RALGDS: variants seen among roughly 807,000 people sequenced by gnomAD.
RALGDS encodes the protein ral guanine nucleotide dissociation stimulator, also known as ral guanine nucleotide exchange factor.
A neutral mutation model predicts 99.8 loss-of-function variants in RALGDS; 44 were observed. That is an observed-to-expected ratio of 0.44 (90% CI 0.35 to 0.57). The LOEUF is 0.57. Among genes scored for constraint, RALGDS ranks in the 20% least tolerant of loss-of-function variants. The pLI is 0.01. For synonymous variants in RALGDS, 529 were observed against 505.0 expected, an observed-to-expected ratio of 1.05 and a Z score of -0.64; for missense variants, 1,022 against 1,203.1, an observed-to-expected ratio of 0.85 and a Z score of 2.23.
chr9:133,108,521 C>T (rs1437448712), intron 5 of RALGDS, 115 bp from the exon 6 acceptor site: 15 of 1,403,478 alleles, frequency 1.1e-5, no homozygotes, highest in African/African-American at 4.3e-5. Flanking sequence ...AAACGTGTAC[C>T]AGGCCACTCT....
intron 6 of RALGDS, among the ~76,000 whole-genome samples, chr9:133,107,609 C>T (rs1460908074): frequency 1.3e-5 from 2 of 152,200 alleles, no homozygotes; most frequent in African/African-American, 4.8e-5. Flanking sequence ...GGGCTTTGTC[C>T]AGTGTCTGCC....
Position 133,097,789 on chromosome 9 carries a change from C to A in RALGDS, c.*798G>T, listed in dbSNP as rs1054491911. ...TGCTATTTACAACAAATAAATATTG[C>A]CCCTCCCCAATCAGTAAACAAACAT... On this transcript the variant is annotated 3_prime_UTR_variant, in exon 18 of 18. Transcript: ENST00000372050. The A allele has an allele frequency of 5.4e-5, 12 of 222,236 alleles. No individual in the cohort carries two copies. The highest frequency in any genetic ancestry group is 2.7e-4 in the African/African-American group (12 of 44,618). 13.8% of individuals were successfully genotyped at this position (222,236 alleles called of 1,614,324 possible). A position where few individuals can be genotyped will look rare whatever the true frequency, so the allele number is the denominator to read the frequency against.
In RALGDS at chr9:133,107,320, T is replaced by A. The variant is rs371890880; in HGVS notation, c.1198-20A>T. ...CAGTTCCTGGGGAGGAGGCTAAATG[T>A]CACCTGGTCCTGCCCCAGCAGTCTG... On this transcript the variant is annotated intron_variant, in intron 6 of 17. Coordinates refer to ENST00000372050, the MANE Select transcript of RALGDS (RefSeq NM_006266.4). The A allele has an allele frequency of 1.8e-5, 28 of 1,595,758 alleles. No homozygotes were observed. Among genetic ancestry groups the A allele is most frequent in the Non-Finnish European group, 2.2e-5 (26 of 1,166,648 alleles).
chr9:133,120,855 G>A, intron 1 of RALGDS, 117 bp downstream of exon 1: 2 of 1,171,464 alleles, frequency 1.7e-6, no homozygotes, highest in Non-Finnish European at 2.2e-6. Context: ...GAGAGAGGAG[G>A]GAGGCGGCCC....
intron 1 of RALGDS, among the ~76,000 whole-genome samples, chr9:133,137,927 A>G (rs1353163233): frequency 6.6e-6 from 1 of 152,230 alleles, no homozygotes; most frequent in Non-Finnish European, 1.5e-5. Flanking sequence ...GCCCACAGTC[A>G]GGCCCCTGTG....
intron 5 of RALGDS, 119 bp from the exon 6 acceptor site, chr9:133,108,525 C>A: frequency 2.1e-6 from 3 of 1,401,136 alleles, no homozygotes; most frequent in Non-Finnish European, 2.9e-6. Flanking sequence ...GTGTACCAGG[C>A]CACTCTCCTG....
chr9:133,119,298 G>A (rs1198547813), intron 1 of RALGDS, among the ~76,000 whole-genome samples: 3 of 152,184 alleles, frequency 2.0e-5, no homozygotes, highest in Non-Finnish European at 2.9e-5. Flanking sequence ...GGAGGGACAG[G>A]GACTTCCCCG....
At position 133,115,319 on chromosome 9, in the gene RALGDS, C is replaced by T. The variant is rs139508614; in HGVS notation, c.184-3167G>A. Among the ~76,000 whole-genome samples the T allele has an allele frequency of 5.8e-4, 88 of 152,308 alleles. 1 individual carries two copies. In the East Asian group the frequency reaches 0.016, roughly 27 times the overall value. On this transcript the variant is annotated intron_variant, in intron 1 of 17. Coordinates refer to ENST00000372050, the MANE Select transcript of RALGDS (RefSeq NM_006266.4). ...AAGGAGACCTGGCTGAGGGCTGAAG[C>T]GGAGTGAGGAGAGGGCTCTAGCCTG... is the stretch of plus-strand genomic sequence containing the variant.
Position 133,103,260 on chromosome 9 carries a change from G to A in RALGDS, c.1761C>T (p.Gly587=). The change falls in exon 12 of 18, where the codon GGC becomes GGT. Residue 587 remains glycine, a splice_region_variant and synonymous_variant. Coordinates refer to ENST00000372050, the MANE Select transcript of RALGDS (RefSeq NM_006266.4). ...TCCTCTTCTCAAAGTTGATGAGTCT[G>A]CCCTGGAAGGTGGACACCCAATGGC... The part of the protein sequence containing the change: ...LDTAMKDYLY[G]RLINFEKRRK... The A allele has an allele frequency of 1.2e-6, 2 of 1,613,946 alleles. No homozygotes were observed. The highest frequency in any genetic ancestry group is 1.1e-5 in the South Asian group (1 of 91,088).
intron 4 of RALGDS, 83 bp downstream of exon 4, chr9:133,109,537 GCCAGCC>G (rs1283610617): frequency 3.5e-5 from 43 of 1,236,040 alleles, no homozygotes; most frequent in Non-Finnish European, 2.4e-6. Context: ...GTTCTGCCCA[GCCAGCC>G]CCGGCTCCGG....
intron 1 of RALGDS, among the ~76,000 whole-genome samples, chr9:133,126,304 G>A (rs749652751): frequency 6.6e-5 from 10 of 152,184 alleles, no homozygotes; most frequent in Non-Finnish European, 8.8e-5. Context: ...CAGACCTTTC[G>A]GAAGTCGGGA....
At chr9:133,100,142 G>A (rs945919990) in intron 17 of RALGDS, 126 bp downstream of exon 17, 4 of 893,876 alleles carry the variant, frequency 4.5e-6, no homozygotes, top group Middle Eastern at 2.2e-4. Flanking sequence ...AGCCAGGGCT[G>A]CCCTGTCCAC....
At chr9:133,106,206 C>T (rs1420774520) in intron 8 of RALGDS, among the ~76,000 whole-genome samples, 190 bp from the exon 9 acceptor site, 15 of 151,808 alleles carry the variant, frequency 9.9e-5, no homozygotes, top group African/African-American at 3.4e-4. Context: ...ACCCCATTCC[C>T]GTTTCCACTG....
chr9:133,137,005 C>A (rs539239570), intron 1 of RALGDS, among the ~76,000 whole-genome samples: 1 of 152,092 alleles, frequency 6.6e-6, no homozygotes, highest in East Asian at 1.9e-4. Flanking sequence ...GAGGCCGAGG[C>A]GGGCGGATCA....
chr9:133,117,499 C>T (rs914475399), intron 1 of RALGDS, among the ~76,000 whole-genome samples: 11 of 152,342 alleles, frequency 7.2e-5, no homozygotes, highest in African/African-American at 2.2e-4. Context: ...TGTCCTGCCC[C>T]GCCCGCCAAG....
chr9:133,100,553 A>G (rs551111078), intron 16 of RALGDS, 171 bp from the exon 17 acceptor site: 2 of 1,486,274 alleles, frequency 1.3e-6, no homozygotes, highest in Non-Finnish European at 1.8e-6. Flanking sequence ...CTACTCCCCA[A>G]GTGAGGCCTC....
upstream of RALGDS, among the ~76,000 whole-genome samples, chr9:133,133,315 G>A (rs1418510915): frequency 6.6e-6 from 1 of 152,230 alleles, no homozygotes; most frequent in African/African-American, 2.4e-5. Flanking sequence ...CAGGCTGCAG[G>A]AGGAGCAGCA....
chr9:133,137,247 C>T (rs1489569905), intron 1 of RALGDS, among the ~76,000 whole-genome samples: 2 of 152,210 alleles, frequency 1.3e-5, no homozygotes, highest in African/African-American at 4.8e-5. Flanking sequence ...CAAAACAACA[C>T]AATTCACCTA....
intron 1 of RALGDS, among the ~76,000 whole-genome samples, chr9:133,140,951 G>A (rs1832511376): frequency 1.3e-5 from 2 of 152,158 alleles, no homozygotes; most frequent in Non-Finnish European, 2.9e-5. Flanking sequence ...GGGTGGCTGG[G>A]CAGAGTCCCC....
Sources: allele counts gnomAD v4.1 joint callset (sites outside exome capture counted in the v4.1 genomes callset), GRCh38; gene constraint gnomAD v4.1.1; transcripts MANE v1.5; gene names NCBI Gene and HGNC (gene_info 2026-07-23, HGNC 2026-07-21).